Variants in CCDC148 observed in about 807,000 individuals in gnomAD.
The protein encoded by CCDC148 is coiled-coil domain-containing protein 148.
CCDC148 carries 89 observed loss-of-function variants against 85.7 expected under a neutral mutation model. The observed-to-expected ratio is 1.04, with a 90% CI of 0.87 to 1.24. The LOEUF is 1.24. Ranked by LOEUF, CCDC148 falls within the 50% of genes most tolerant of loss-of-function variation. The probability of loss-of-function intolerance (pLI) is 0.00; values close to 1 mark genes in which losing one functional copy is unlikely to be tolerated. For synonymous variants in CCDC148, 230 were observed against 213.9 expected, an observed-to-expected ratio of 1.08 and a Z score of -0.66; for missense variants, 692 against 671.7, an observed-to-expected ratio of 1.03 and a Z score of -0.33.
At chr2:158,376,086 G>C (rs936751374) in intron 1 of CCDC148, among the ~76,000 whole-genome samples, 1 of 152,090 alleles carries the variant, frequency 6.6e-6, no homozygotes, top group Admixed American at 6.6e-5. Context: ...ACATAAAGCA[G>C]TATAAAAATT....
At chr2:158,394,182 T>C (rs1308998027) in intron 1 of CCDC148, among the ~76,000 whole-genome samples, 2 of 152,130 alleles carry the variant, frequency 1.3e-5, no homozygotes, top group African/African-American at 2.4e-5. Context: ...TATTATGCAC[T>C]AATATATGCA....
chr2:158,374,102 T>C (rs1684558251), intron 1 of CCDC148, among the ~76,000 whole-genome samples: 2 of 152,070 alleles, frequency 1.3e-5, no homozygotes, highest in Admixed American at 6.6e-5. Flanking sequence ...CTGTATGAGA[T>C]GACAACTATT....
chr2:158,397,205 G>A (rs1383976036), intron 1 of CCDC148, among the ~76,000 whole-genome samples: 1 of 151,934 alleles, frequency 6.6e-6, no homozygotes, highest in Non-Finnish European at 1.5e-5. Context: ...CTATGGCATG[G>A]GGAGGATAAG....
rs1158158495 is a variant in CCDC148 at position 158,389,633 on chromosome 2, CACA to C, written c.26-31066_26-31064del. Among the ~76,000 whole-genome samples, 11 of 152,254 alleles carry C rather than the reference CACA, an allele frequency of 7.2e-5. No individual in the cohort carries two copies. The East Asian group carries it at 1.7e-3, about 24-fold the overall frequency. ...CTAAGTGAAAAATGCTCTGTAGGACCACAACATTACCTATTTATTTGTAAAGAT... is the reference window on the plus strand; with the variant it reads ...CTAAGTGAAAAATGCTCTGTAGGACCACATTACCTATTTATTTGTAAAGAT... On this transcript the variant is annotated intron_variant, in intron 1 of 13. Transcript: ENST00000283233.
intron 7 of CCDC148, among the ~76,000 whole-genome samples, chr2:158,327,453 T>C (rs558007401): frequency 6.6e-6 from 1 of 152,290 alleles, no homozygotes; most frequent in South Asian, 2.1e-4. Context: ...AGCTATAATG[T>C]CAGAATATGA....
At chr2:158,279,983 A>C (rs1193778996) in intron 9 of CCDC148, among the ~76,000 whole-genome samples, 1 of 151,736 alleles carries the variant, frequency 6.6e-6, no homozygotes, top group African/African-American at 2.4e-5. Context: ...AACATTCTTA[A>C]AGAAAAGAAT....
chr2:158,290,160 A>T (rs1427540162), intron 9 of CCDC148, among the ~76,000 whole-genome samples: 1 of 152,144 alleles, frequency 6.6e-6, no homozygotes, highest in African/African-American at 2.4e-5. Context: ...CAGGAGAGGG[A>T]GCTGAAGGAT....
intron 1 of CCDC148, among the ~76,000 whole-genome samples, chr2:158,392,435 A>G (rs1246839549): frequency 6.6e-6 from 1 of 152,124 alleles, no homozygotes; most frequent in East Asian, 1.9e-4. Flanking sequence ...AAATGCTCCA[A>G]AATTTGAAAC....
rs914588826 is a variant in CCDC148, at chr2:158,339,229, G to A, written c.487-144C>T. ...AAGAGAGTTAAAGAGATGCCAGCCA[G>A]GTAGGCAGTGCTCATCAGACAAATG... is the stretch of plus-strand genomic sequence containing the variant. On this transcript the variant is annotated intron_variant, in intron 5 of 13. Coordinates refer to ENST00000283233, the MANE Select transcript of CCDC148 (RefSeq NM_138803.4). The A allele has an allele frequency of 1.2e-5, 8 of 650,052 alleles. 1 individual carries two copies. The Admixed American group carries it at 2.2e-4, about 18-fold the overall frequency. The allele number at this position is 650,052 out of a possible 1,614,324, so 40.3% of individuals were successfully genotyped here. A position where few individuals can be genotyped will look rare whatever the true frequency, so the allele number is the denominator to read the frequency against.
intron 9 of CCDC148, among the ~76,000 whole-genome samples, chr2:158,287,970 G>A (rs1038921648): frequency 1.3e-5 from 2 of 152,218 alleles, no homozygotes; most frequent in African/African-American, 2.4e-5. Flanking sequence ...CCTAGGAAGA[G>A]GTTTCCAAAC....
chr2:158,288,715 C>T (rs1690749175), intron 9 of CCDC148: 4 of 390,794 alleles, frequency 1.0e-5, no homozygotes, highest in African/African-American at 6.4e-5. Context: ...CAACCTCTGC[C>T]TGATACCAGT....
chr2:158,312,476 G>A (rs1348363897), intron 8 of CCDC148, among the ~76,000 whole-genome samples: 3 of 150,936 alleles, frequency 2.0e-5, no homozygotes, highest in Non-Finnish European at 4.4e-5. Context: ...CAGCTACTCT[G>A]GAGGCTGAGG....
At position 158,178,871 on chromosome 2, in the gene CCDC148, A is replaced by G. The variant is rs1160899810; in HGVS notation, c.1488+8T>C. On this transcript the variant is annotated splice_region_variant and intron_variant, in intron 12 of 13. Transcript: ENST00000283233. ...AACCACCCATGAAAATTTCCAAATGAAAAACACCTGTTTCCTAAGGGCTTC... is the reference window on the plus strand; with the variant it reads ...AACCACCCATGAAAATTTCCAAATGGAAAACACCTGTTTCCTAAGGGCTTC... 6.3e-7 allele frequency: 1 copy of G among 1,599,118 alleles called. No individual in the cohort carries two copies. Among genetic ancestry groups the G allele is most frequent in the Non-Finnish European group, 8.5e-7 (1 of 1,170,526 alleles).
intron 1 of CCDC148, among the ~76,000 whole-genome samples, chr2:158,436,177 C>T (rs1434471128): frequency 6.6e-6 from 1 of 152,162 alleles, no homozygotes; most frequent in African/African-American, 2.4e-5. Context: ...AATATACATT[C>T]TTCTCAGCAC....
chr2:158,214,939 C>A (rs958932025), intron 11 of CCDC148, among the ~76,000 whole-genome samples: 2 of 151,944 alleles, frequency 1.3e-5, no homozygotes, highest in South Asian at 4.1e-4. Context: ...CAAAAAAAAT[C>A]AACAACATTT....
chr2:158,352,502 G>A (rs973046317), intron 2 of CCDC148, among the ~76,000 whole-genome samples: 1 of 152,078 alleles, frequency 6.6e-6, no homozygotes, highest in Non-Finnish European at 1.5e-5. Context: ...TGAATGAAAT[G>A]AAGCGAGAAG....
chr2:158,336,470 A>C (rs938183823), intron 7 of CCDC148, among the ~76,000 whole-genome samples: 1 of 152,162 alleles, frequency 6.6e-6, no homozygotes. Flanking sequence ...TCTTCCCCCA[A>C]ATATTCCAAG....
chr2:158,282,880 A>C (rs1018919367), intron 9 of CCDC148, among the ~76,000 whole-genome samples: 8 of 152,214 alleles, frequency 5.3e-5, no homozygotes, highest in Non-Finnish European at 8.8e-5. Flanking sequence ...TTTAAACTAC[A>C]CTACAAGGCT....
chr2:158,301,964 A>G (rs781258744), intron 9 of CCDC148, among the ~76,000 whole-genome samples: 1 of 147,670 alleles, frequency 6.8e-6, no homozygotes, highest in Non-Finnish European at 1.5e-5. Context: ...GGATGACAAG[A>G]GAAGGCTTCT....
Sources: allele counts gnomAD v4.1 joint callset (sites outside exome capture counted in the v4.1 genomes callset), GRCh38; gene constraint gnomAD v4.1.1; transcripts MANE v1.5; gene names NCBI Gene and HGNC (gene_info 2026-07-23, HGNC 2026-07-21).